Variants in DNAH14 observed in about 807,000 individuals in gnomAD.
The protein encoded by DNAH14 is axonemal beta dynein heavy chain 14.
Under a neutral mutation model 520.9 loss-of-function variants are expected in DNAH14, and 478 were observed. The ratio of observed to expected loss-of-function variants is 0.92; its 90% CI spans 0.85 to 0.99. The LOEUF (loss-of-function observed/expected upper bound fraction) is 0.99. Among genes scored for constraint, DNAH14 ranks in the 50% least tolerant of loss-of-function variants. The probability of loss-of-function intolerance (pLI) is 0.00; values close to 1 mark genes in which losing one functional copy is unlikely to be tolerated. For missense variants in DNAH14, 4,831 were observed against 5,234.5 expected, an observed-to-expected ratio of 0.92 and a Z score of 2.38; for synonymous variants, 1,581 against 1,757.2, an observed-to-expected ratio of 0.90 and a Z score of 2.51.
At chr1:225,259,322 C>T (rs74790793) in intron 46 of DNAH14, 69 bp downstream of exon 46, 17 of 1,133,200 alleles carry the variant, frequency 1.5e-5, no homozygotes, top group Non-Finnish European at 2.0e-5. Context: ...TATAAATATG[C>T]CTGTTTTTAA....
chr1:225,243,275 T>C (rs2092078355), intron 43 of DNAH14, among the ~76,000 whole-genome samples: 1 of 151,742 alleles, frequency 6.6e-6, no homozygotes, highest in Non-Finnish European at 1.5e-5. Flanking sequence ...TCATCTGAAA[T>C]ATCAGTATAA....
At chr1:225,037,618 T>C (rs2067089883) in intron 11 of DNAH14, among the ~76,000 whole-genome samples, 1 of 152,234 alleles carries the variant, frequency 6.6e-6, no homozygotes, top group Non-Finnish European at 1.5e-5. Context: ...TTTTGATCAG[T>C]TCTTCATCTT....
chr1:224,989,711 T>A (rs2062897801), intron 8 of DNAH14, among the ~76,000 whole-genome samples: 1 of 152,184 alleles, frequency 6.6e-6, no homozygotes. Context: ...CAATGCTCTT[T>A]GTCAAGTTGA....
intron 17 of DNAH14, 24 bp from the exon 18 acceptor site, chr1:225,079,183 T>G: frequency 6.6e-7 from 1 of 1,515,844 alleles, no homozygotes; most frequent in South Asian, 1.3e-5. Context: ...CATTACACAA[T>G]TATAATTGAC....
chr1:225,179,921 T>C (rs1225296393), intron 36 of DNAH14, among the ~76,000 whole-genome samples: 2 of 152,068 alleles, frequency 1.3e-5, no homozygotes, highest in African/African-American at 4.8e-5. Flanking sequence ...CTGTCAGGAC[T>C]TCAAATATAT....
At chr1:225,255,671 A>G (rs1161252858) in intron 44 of DNAH14, among the ~76,000 whole-genome samples, 1 of 152,206 alleles carries the variant, frequency 6.6e-6, no homozygotes, top group African/African-American at 2.4e-5. Flanking sequence ...CCTACACTTT[A>G]TATTATTCCT....
intron 37 of DNAH14, among the ~76,000 whole-genome samples, chr1:225,186,547 T>C (rs922681983): frequency 6.6e-6 from 1 of 151,818 alleles, no homozygotes; most frequent in African/African-American, 2.4e-5. Context: ...TGTGAGAAAT[T>C]TGGAAAATAA....
At chr1:224,997,434 T>TTTG (rs1558634887) in intron 8 of DNAH14, among the ~76,000 whole-genome samples, 35 of 150,374 alleles carry the variant, frequency 2.3e-4, no homozygotes, top group East Asian at 1.4e-3. Context: ...GCAGGTTTTT[T>TTTG]TTTGTTTGTT....
At chr1:225,184,155 T>C (rs1172287368) in intron 36 of DNAH14, among the ~76,000 whole-genome samples, 1 of 152,102 alleles carries the variant, frequency 6.6e-6, no homozygotes, top group Non-Finnish European at 1.5e-5. Context: ...GACTAACATC[T>C]TTGATGGACA....
rs2065887083 is a variant in DNAH14 at position 225,023,697 on chromosome 1, A to G, written c.1190A>G (p.Tyr397Cys). 6.4e-7 allele frequency: 1 copy of G among 1,550,910 alleles called. No homozygotes were observed. Among genetic ancestry groups the G allele is most frequent in the African/African-American group, 1.4e-5 (1 of 73,142 alleles). Residue 397 changes from tyrosine to cysteine, a missense_variant, in exon 11 of 86, where the codon TAT becomes TGT. By Grantham distance (194) the Tyr-to-Cys change is radical. Transcript: ENST00000682510. ...DDTTHFKLPK[Y>C]RRLLETFFKF... ...ACAACACATTTCAAGCTGCCTAAATATAGACGTTTATTAGAAACATTTTTC... is the reference window on the plus strand; with the variant it reads ...ACAACACATTTCAAGCTGCCTAAATGTAGACGTTTATTAGAAACATTTTTC...
chr1:225,099,870 A>G (rs1257368563), intron 22 of DNAH14, among the ~76,000 whole-genome samples: 1 of 152,126 alleles, frequency 6.6e-6, no homozygotes, highest in Non-Finnish European at 1.5e-5. Flanking sequence ...TCAAAGTAAC[A>G]CTAGCTGAGT....
At chr1:225,127,447 C>T (rs1341179268) in intron 27 of DNAH14, among the ~76,000 whole-genome samples, 1,612 of 152,140 alleles carry the variant, frequency 0.011, 27 homozygotes, top group African/African-American at 0.035. Context: ...GAATTGATCC[C>T]TTTACCATTA....
At chr1:225,307,234 GT>G (rs1202438071) in intron 58 of DNAH14, among the ~76,000 whole-genome samples, 1 of 151,944 alleles carries the variant, frequency 6.6e-6, no homozygotes, top group Non-Finnish European at 1.5e-5. Flanking sequence ...TTTATCAAAT[GT>G]TTTTTCTGCA....
chr1:225,381,350 A>C (rs2095780649), intron 80 of DNAH14, 33 bp from the exon 81 acceptor site: 2 of 1,517,886 alleles, frequency 1.3e-6, no homozygotes, highest in Non-Finnish European at 1.8e-6. Flanking sequence ...TAATCTGTAA[A>C]ATATCAAAAT....
intron 65 of DNAH14, among the ~76,000 whole-genome samples, chr1:225,331,894 C>T (rs2094806125): frequency 6.6e-6 from 1 of 151,938 alleles, no homozygotes; most frequent in Non-Finnish European, 1.5e-5. Context: ...ACTGGGAGAA[C>T]CCAAGCTGAA....
In DNAH14 at chr1:225,271,999, C is replaced by T; in HGVS notation, c.7765C>T (p.His2589Tyr). The T allele has an allele frequency of 6.4e-7, 1 of 1,550,628 alleles. No homozygotes were observed. Among genetic ancestry groups the T allele is most frequent in the South Asian group, 1.2e-5 (1 of 84,014 alleles). ...QIISCSLAIY[H>Y]QVRQNMLPTP... ...AATATCTTGTTCCCTAGCTATATAC[C>T]ATCAAGTACGTCAGAATATGTTACC... Residue 2589 changes from histidine to tyrosine, a missense_variant, in exon 51 of 86, where the codon CAT (histidine) becomes TAT (tyrosine). Transcript: ENST00000682510.
At chr1:225,272,229 A>G (rs1313648224) in intron 51 of DNAH14, among the ~76,000 whole-genome samples, 156 bp downstream of exon 51, 1 of 152,236 alleles carries the variant, frequency 6.6e-6, no homozygotes, top group Non-Finnish European at 1.5e-5. Context: ...TGAAGAAAAA[A>G]TTGTTAAAAT....
chr1:225,302,729 A>T (rs1230432209), intron 56 of DNAH14, among the ~76,000 whole-genome samples: 5 of 152,090 alleles, frequency 3.3e-5, no homozygotes, highest in Admixed American at 3.3e-4. Context: ...TAGCTGTAGG[A>T]GTTTTATTAC....
intron 21 of DNAH14, among the ~76,000 whole-genome samples, chr1:225,086,788 C>A (rs2073856556): frequency 6.6e-6 from 1 of 151,934 alleles, no homozygotes; most frequent in African/African-American, 2.4e-5. Flanking sequence ...AATTTAAAAG[C>A]AACCATCAGA....
Sources: allele counts gnomAD v4.1 joint callset (sites outside exome capture counted in the v4.1 genomes callset), GRCh38; gene constraint gnomAD v4.1.1; transcripts MANE v1.5; gene names NCBI Gene and HGNC (gene_info 2026-07-23, HGNC 2026-07-21).